The following CSMD1 variants were observed in gnomAD, a reference collection of about 807,000 sequenced individuals.
CSMD1 encodes CUB and sushi domain-containing protein 1.
In CSMD1, 213 loss-of-function variants were observed where a neutral mutation model predicts 417.5. The ratio of observed to expected loss-of-function variants is 0.51; its 90% CI spans 0.46 to 0.57. CSMD1 has a LOEUF of 0.57. Ranked by LOEUF, CSMD1 falls within the 20% of genes least tolerant of loss-of-function variation. The pLI is 0.00. For synonymous variants in CSMD1, 2,862 were observed against 1,736.8 expected (o/e 1.65, Z -16.11); for missense variants, 6,923 against 4,529.7 (o/e 1.53, Z -15.17).
chr8:4,527,973 C>T (rs1796607665), intron 2 of CSMD1, among the ~76,000 whole-genome samples: 1 of 152,140 alleles, frequency 6.6e-6, no homozygotes. Flanking sequence ...TATTCAGTCT[C>T]TATAGAATCC....
chr8:4,430,551 A>G (rs960170248), intron 2 of CSMD1, among the ~76,000 whole-genome samples: 2 of 152,138 alleles, frequency 1.3e-5, no homozygotes, highest in African/African-American at 2.4e-5. Flanking sequence ...CTCTCTAATA[A>G]AAGTTACTCT....
At chr8:3,083,940 A>G (rs1290554078) in intron 49 of CSMD1, among the ~76,000 whole-genome samples, 2 of 151,940 alleles carry the variant, frequency 1.3e-5, no homozygotes, top group Non-Finnish European at 2.9e-5. Context: ...CTTGGAATAC[A>G]GGTGTCAGCC....
At chr8:3,537,688 T>C (rs573150847) in intron 10 of CSMD1, among the ~76,000 whole-genome samples, 1 of 152,242 alleles carries the variant, frequency 6.6e-6, no homozygotes, top group Non-Finnish European at 1.5e-5. Flanking sequence ...CAATACTTTG[T>C]ATTTGCAAAA....
chr8:3,788,252 G>A (rs1178141218), intron 5 of CSMD1, among the ~76,000 whole-genome samples: 1 of 152,148 alleles, frequency 6.6e-6, no homozygotes, highest in Non-Finnish European at 1.5e-5. Context: ...AAACAAGATG[G>A]AGCTAAACAT....
chr8:4,479,814 A>G (rs1800990469), intron 2 of CSMD1, among the ~76,000 whole-genome samples: 1 of 151,760 alleles, frequency 6.6e-6, no homozygotes, highest in South Asian at 2.1e-4. Flanking sequence ...AAACACAAAA[A>G]TTAGCCAGGC....
chr8:3,419,877 C>G (rs1446407760), intron 12 of CSMD1, among the ~76,000 whole-genome samples: 1 of 152,140 alleles, frequency 6.6e-6, no homozygotes, highest in Non-Finnish European at 1.5e-5. Flanking sequence ...GAAATATAGA[C>G]TCTTGGAATA....
Position 3,512,151 on chromosome 8 carries a change from A to T in CSMD1, c.1345-18425T>A, listed in dbSNP as rs568103484. Reference sequence around the variant, plus strand: ...GCCCCAACCACGCTCATAGCACCAAACATGTCCTTGGCAGAATTTCTTACT... The same window carrying T: ...GCCCCAACCACGCTCATAGCACCAATCATGTCCTTGGCAGAATTTCTTACT... On this transcript the variant is annotated intron_variant, in intron 10 of 69. Transcript: ENST00000635120. Among the ~76,000 whole-genome samples, 11 of 152,252 alleles carry T rather than the reference A, an allele frequency of 7.2e-5. No homozygotes were observed. The South Asian group carries it at 2.3e-3, about 32-fold the overall frequency.
At chr8:3,331,669 T>C (rs1314075543) in intron 23 of CSMD1, among the ~76,000 whole-genome samples, 1 of 152,242 alleles carries the variant, frequency 6.6e-6, no homozygotes, top group Non-Finnish European at 1.5e-5. Context: ...TTATCCAATA[T>C]TTCTCTTTTA....
At chr8:3,106,324 G>C (rs978749414) in intron 46 of CSMD1, among the ~76,000 whole-genome samples, 3 of 152,092 alleles carry the variant, frequency 2.0e-5, no homozygotes, top group African/African-American at 7.2e-5. Flanking sequence ...CTGAGACCAG[G>C]GAGGTTGAGG....
At chr8:4,584,718 T>C (rs767093479) in intron 2 of CSMD1, among the ~76,000 whole-genome samples, 1 of 152,092 alleles carries the variant, frequency 6.6e-6, no homozygotes. Context: ...ATCCTATCTA[T>C]CCTGACCCTT....
chr8:3,467,396 A>G (rs1241758154), intron 12 of CSMD1, among the ~76,000 whole-genome samples: 1 of 152,206 alleles, frequency 6.6e-6, no homozygotes, highest in Non-Finnish European at 1.5e-5. Flanking sequence ...AAAATATGAT[A>G]TCTCCACCAT....
intron 5 of CSMD1, among the ~76,000 whole-genome samples, chr8:3,922,340 T>C (rs1367983776): frequency 6.6e-6 from 1 of 152,038 alleles, no homozygotes; most frequent in African/African-American, 2.4e-5. Context: ...TCACTCTGTC[T>C]TTGGATTAAA....
At position 4,465,347 on chromosome 8, in the gene CSMD1, A is replaced by G. The variant is rs567255133; in HGVS notation, c.303-45282T>C. Among the ~76,000 whole-genome samples, 29 of 152,280 alleles carry G rather than the reference A, an allele frequency of 1.9e-4. No individual in the cohort carries two copies. In the South Asian group the frequency reaches 2.1e-3, roughly 11 times the overall value. On this transcript the variant is annotated intron_variant, in intron 2 of 69. Coordinates refer to ENST00000635120, the MANE Select transcript of CSMD1 (RefSeq NM_033225.6). ...GTCCCTGTGCTTGCAAAAAGTGTAC[A>G]TCAGTACATGTCTACTAAAGATAAA...
At chr8:3,698,960 G>C (rs1800703781) in intron 7 of CSMD1, among the ~76,000 whole-genome samples, 1 of 152,272 alleles carries the variant, frequency 6.6e-6, no homozygotes, top group Non-Finnish European at 1.5e-5. Flanking sequence ...CAGGCATCCA[G>C]GCTGATGAAG....
chr8:4,470,091 C>T (rs1049405652), intron 2 of CSMD1, among the ~76,000 whole-genome samples: 2 of 151,900 alleles, frequency 1.3e-5, no homozygotes, highest in African/African-American at 2.4e-5. Context: ...AGGATGGTCT[C>T]GATCTCCTGA....
At chr8:3,975,951 G>T (rs962788063) in intron 5 of CSMD1, among the ~76,000 whole-genome samples, 2 of 151,880 alleles carry the variant, frequency 1.3e-5, no homozygotes, top group Admixed American at 1.3e-4. Flanking sequence ...TTATCTATCA[G>T]TTTTTAACAT....
intron 5 of CSMD1, among the ~76,000 whole-genome samples, chr8:3,784,334 T>A (rs1332046685): frequency 6.6e-6 from 1 of 152,192 alleles, no homozygotes; most frequent in Non-Finnish European, 1.5e-5. Flanking sequence ...CTTCTAAAAT[T>A]AAAAGTTGTT....
intron 1 of CSMD1, among the ~76,000 whole-genome samples, chr8:4,925,215 G>GGTTTTTTTTTTTTTTTTTTTTTT (rs762807942): frequency 1.4e-5 from 1 of 72,734 alleles, no homozygotes; most frequent in African/African-American, 5.5e-5. Flanking sequence ...CAGTTTTATG[G>GGTTTTTTTTTTTTTTTTTTTTTT]TTTTTTTTTT....
At chr8:4,521,156 T>C (rs192353900) in intron 2 of CSMD1, among the ~76,000 whole-genome samples, 23 of 152,266 alleles carry the variant, frequency 1.5e-4, no homozygotes, top group African/African-American at 5.1e-4. Flanking sequence ...AACAGTGACT[T>C]ACAAAAAGAA....
Sources: gnomAD v4.1 joint callset for allele counts (sites outside exome capture counted in the v4.1 genomes callset) on GRCh38, gnomAD v4.1.1 for gene constraint, MANE v1.5 for transcripts, NCBI Gene and HGNC (gene_info 2026-07-23, HGNC 2026-07-21) for gene names.